TULP4: variants seen among roughly 807,000 people sequenced by gnomAD.
The protein encoded by TULP4 is TUB like protein 4.
A neutral mutation model predicts 129.0 loss-of-function variants in TULP4; 16 were observed. The ratio of observed to expected loss-of-function variants is 0.12; its 90% CI spans 0.08 to 0.19. The LOEUF is 0.19. Ranked by LOEUF, TULP4 falls within the 10% of genes least tolerant of loss-of-function variation. TULP4 has a pLI of 1.00. For synonymous variants in TULP4, 998 were observed against 854.0 expected (o/e 1.17, Z -2.94); for missense variants, 1,842 against 2,059.1 (o/e 0.89, Z 2.04).
intron 11 of TULP4, among the ~76,000 whole-genome samples, chr6:158,497,475 G>C (rs996064844): frequency 2.0e-5 from 3 of 151,952 alleles, no homozygotes; most frequent in Non-Finnish European, 4.4e-5. Flanking sequence ...CATTCAGAGG[G>C]GTCTATAGTA....
At chr6:158,477,612 TA>T (rs1225797001) in intron 6 of TULP4, among the ~76,000 whole-genome samples, 2 of 152,154 alleles carry the variant, frequency 1.3e-5, no homozygotes, top group Non-Finnish European at 2.9e-5. Context: ...AATCAAAGAA[TA>T]ATAGATGTCG....
rs1035708875 is a variant in TULP4, at chr6:158,493,789, C to T, written c.1776+72C>T. The T allele has an allele frequency of 6.1e-5, 89 of 1,457,632 alleles. No homozygotes were observed. The highest frequency in any genetic ancestry group is 7.5e-5 in the Non-Finnish European group (82 of 1,099,752). 90.3% of individuals were successfully genotyped at this position (1,457,632 alleles called of 1,614,324 possible). A position where few individuals can be genotyped will look rare whatever the true frequency, so the allele number is the denominator to read the frequency against. ...TATGCCCAGAGGGCCCCTTCCTACC[C>T]GCCGCCTGCACTGCTCACTGCCACC... On this transcript the variant is annotated intron_variant, in intron 10 of 13. Transcript: ENST00000367097. The surrounding 1 kb of genome is among the most constrained non-coding windows in gnomAD (Gnocchi z 4.4).
At chr6:158,407,357 G>A (rs1651944599) in intron 1 of TULP4, among the ~76,000 whole-genome samples, 1 of 152,310 alleles carries the variant, frequency 6.6e-6, no homozygotes, top group South Asian at 2.1e-4. Context: ...TTAGAAGACA[G>A]GCAATAGCAA....
rs80120578 is a variant in TULP4, at chr6:158,422,804, C to T, written c.382-6932C>T. ...CATGTAGCCTGCGGAAAACGCTGGC[C>T]CTCCCACCCCAGCCTTTAAATATGC... On this transcript the variant is annotated intron_variant, in intron 2 of 13. Transcript: ENST00000367097. Among the ~76,000 whole-genome samples the T allele has an allele frequency of 5.2e-3, 792 of 152,298 alleles. 10 individuals are homozygous for T. Among genetic ancestry groups the T allele is most frequent in the African/African-American group, 0.018 (754 of 41,562 alleles).
At chr6:158,235,220 G>C (rs1439975185) in intron 1 of TULP4, among the ~76,000 whole-genome samples, 2 of 151,878 alleles carry the variant, frequency 1.3e-5, no homozygotes, top group East Asian at 3.8e-4. Context: ...GTACAGTTCA[G>C]TAGCATTAAG....
intron 6 of TULP4, among the ~76,000 whole-genome samples, chr6:158,478,175 A>G (rs950133490): frequency 1.3e-5 from 2 of 152,166 alleles, no homozygotes; most frequent in African/African-American, 4.8e-5. Flanking sequence ...AGGTGACAAA[A>G]TTACCTGTAC....
chr6:158,341,136 A>T (rs1780171436), intron 1 of TULP4, among the ~76,000 whole-genome samples: 1 of 152,086 alleles, frequency 6.6e-6, no homozygotes, highest in Admixed American at 6.5e-5. Flanking sequence ...CAGAATCTCC[A>T]TGAGGTCAAT....
chr6:158,276,673 C>T (rs62437159), intron 1 of TULP4, among the ~76,000 whole-genome samples: 26,233 of 151,934 alleles, frequency 0.17, 2,700 homozygotes, highest in Middle Eastern at 0.24. Flanking sequence ...TCATAGGGTC[C>T]CTTTGCCCAG....
chr6:158,302,219 C>G (rs539755435), intron 1 of TULP4, among the ~76,000 whole-genome samples: 23 of 152,320 alleles, frequency 1.5e-4, no homozygotes, highest in African/African-American at 5.3e-4. Flanking sequence ...TCAGCACTCC[C>G]TGAGGAAGTA....
intron 1 of TULP4, among the ~76,000 whole-genome samples, chr6:158,284,527 G>T (rs1431966300): frequency 6.6e-6 from 1 of 152,248 alleles, no homozygotes; most frequent in Non-Finnish European, 1.5e-5. Flanking sequence ...ATGAGAGTCA[G>T]CTTAAAGTCA....
chr6:158,425,596 G>GT (rs992885482), intron 2 of TULP4, among the ~76,000 whole-genome samples: 21 of 149,760 alleles, frequency 1.4e-4, no homozygotes, highest in South Asian at 2.1e-4. Flanking sequence ...TCTGTTTTAG[G>GT]TTTTTTTTTG....
At chr6:158,443,519 C>A (rs1053251790) in intron 3 of TULP4, among the ~76,000 whole-genome samples, 1 of 152,024 alleles carries the variant, frequency 6.6e-6, no homozygotes, top group African/African-American at 2.4e-5. Context: ...AAAAATGGAG[C>A]CTGAAAGATT....
chr6:158,439,170 C>CAA (rs10679091), intron 3 of TULP4, among the ~76,000 whole-genome samples: 63,303 of 147,942 alleles, frequency 0.43, 13,761 homozygotes, highest in South Asian at 0.55. Context: ...GACTCCGTCT[C>CAA]AAAAAAAAAA....
chr6:158,462,373 CTTTTTTTCTTTCTTTTTT>C (rs1019981329), intron 6 of TULP4, among the ~76,000 whole-genome samples: 4 of 143,094 alleles, frequency 2.8e-5, no homozygotes, highest in Admixed American at 7.0e-5. Flanking sequence ...ATTTTCTTTT[CTTTTTTTCTTTCTTTTTT>C]TTTTTTTTGA....
At chr6:158,387,412 TA>T (rs928291860) in intron 1 of TULP4, among the ~76,000 whole-genome samples, 4 of 151,780 alleles carry the variant, frequency 2.6e-5, no homozygotes, top group Non-Finnish European at 4.4e-5. Context: ...CTGATTAATC[TA>T]AAAAAAAGGA....
chr6:158,347,369 A>G (rs374670200), intron 1 of TULP4, among the ~76,000 whole-genome samples: 1 of 152,204 alleles, frequency 6.6e-6, no homozygotes. Flanking sequence ...TAAGGCAATC[A>G]CTTCCTACCA....
intron 3 of TULP4, among the ~76,000 whole-genome samples, chr6:158,440,492 A>G (rs1302258063): frequency 2.0e-5 from 3 of 152,128 alleles, no homozygotes; most frequent in African/African-American, 7.2e-5. Context: ...TTGCAATGAG[A>G]TTTAGTCTAA....
At position 158,502,723 on chromosome 6, in the gene TULP4, G is replaced by A. The variant is rs1000369936; in HGVS notation, c.3060G>A (p.Gly1020=). ...TGGCCAAGTCCAAGGGCGGGCCCGG[G>A]GGGGTGGTGACACAGCTCCCAGCGC... ...QPLAKSKGGP[G]GVVTQLPARP... Residue 1020 remains glycine, a synonymous_variant, in exon 13 of 14, where the codon GGG becomes GGA. Coordinates refer to ENST00000367097, the MANE Select transcript of TULP4 (RefSeq NM_020245.5). The A allele has an allele frequency of 6.4e-6, 10 of 1,569,096 alleles. No homozygotes were observed. The East Asian group carries it at 6.8e-5, about 11-fold the overall frequency.
rs1780736021 is a variant in TULP4 at position 158,511,337 on chromosome 6, T to C, written c.*4643T>C. The C allele has an allele frequency of 6.6e-6, 1 of 152,588 alleles. No individual in the cohort carries two copies. Among genetic ancestry groups the C allele is most frequent in the South Asian group, 2.1e-4 (1 of 4,836 alleles). 9.5% of individuals were successfully genotyped at this position (152,588 alleles called of 1,614,324 possible). ...GTTTATAAATGCATTATTTTGGTAC[T>C]GTAAATTTGGACATAATTTCTGAGT... On this transcript the variant is annotated 3_prime_UTR_variant, in exon 14 of 14. Transcript: ENST00000367097.
Sources: allele counts gnomAD v4.1 joint callset (sites outside exome capture counted in the v4.1 genomes callset), GRCh38; gene constraint gnomAD v4.1.1; non-coding constraint Gnocchi (gnomAD v3.1); transcripts MANE v1.5; gene names NCBI Gene and HGNC (gene_info 2026-07-23, HGNC 2026-07-21).